Variants in RPRD1A observed in about 807,000 individuals in gnomAD.
The protein encoded by RPRD1A is regulation of nuclear pre-mRNA domain containing 1A.
RPRD1A carries 9 observed loss-of-function variants against 37.8 expected under a neutral mutation model. That is an observed-to-expected ratio of 0.24 (90% CI 0.14 to 0.42). RPRD1A has a LOEUF of 0.42. RPRD1A is among the 10% of genes least tolerant of loss of function. The pLI is 1.00. For synonymous variants in RPRD1A, 138 were observed against 139.7 expected, an observed-to-expected ratio of 0.99 and a Z score of 0.08; for missense variants, 255 against 371.0, an observed-to-expected ratio of 0.69 and a Z score of 2.57.
intron 2 of RPRD1A, among the ~76,000 whole-genome samples, chr18:36,032,638 T>C (rs1023764758): frequency 6.6e-6 from 1 of 152,198 alleles, no homozygotes; most frequent in African/African-American, 2.4e-5. Context: ...TTATGGTAAC[T>C]AAAAGGGAAA....
At chr18:36,027,139 A>T in intron 5 of RPRD1A, 45 bp downstream of exon 5, 2 of 1,612,760 alleles carry the variant, frequency 1.2e-6, no homozygotes, top group Non-Finnish European at 1.7e-6. Context: ...CTGTTCTCTC[A>T]TCCCAACTCC....
intron 6 of RPRD1A, among the ~76,000 whole-genome samples, chr18:36,008,577 G>GTATATATA (rs141531156): frequency 8.4e-5 from 4 of 47,802 alleles, no homozygotes; most frequent in Admixed American, 2.8e-4. Flanking sequence ...CCTTGTGTGT[G>GTATATATA]TATATATATA....
rs539880344 is a variant in RPRD1A, at chr18:36,021,736, T to C, written c.789+5164A>G. On this transcript the variant is annotated intron_variant, in intron 6 of 6. Coordinates refer to ENST00000399022, the MANE Select transcript of RPRD1A (RefSeq NM_018170.5). ...ACTCCAGGCCTGGTGTGGTGGCTCATGCCTGTAATCTTAGCACTTTGGGAG... is the reference window on the plus strand; with the variant it reads ...ACTCCAGGCCTGGTGTGGTGGCTCACGCCTGTAATCTTAGCACTTTGGGAG... Among the ~76,000 whole-genome samples, 190 of 152,282 alleles carry C rather than the reference T, an allele frequency of 1.2e-3. 1 individual carries two copies. Among genetic ancestry groups the C allele is most frequent in the Non-Finnish European group, 1.7e-3 (115 of 68,014 alleles).
At chr18:36,019,273 A>G (rs1002569986) in intron 6 of RPRD1A, among the ~76,000 whole-genome samples, 2 of 151,704 alleles carry the variant, frequency 1.3e-5, no homozygotes, top group Non-Finnish European at 2.9e-5. Context: ...ACGCCTGGCT[A>G]ATTTTTTATA....
chr18:36,033,499 C>G (rs2144304974), intron 2 of RPRD1A, among the ~76,000 whole-genome samples: 1 of 152,110 alleles, frequency 6.6e-6, no homozygotes, highest in East Asian at 1.9e-4. Flanking sequence ...TCCAAAGGCC[C>G]ACCTTAGCAA....
intron 1 of RPRD1A, among the ~76,000 whole-genome samples, chr18:36,050,820 C>CAA (rs1913331172): frequency 6.6e-6 from 1 of 151,382 alleles, no homozygotes; most frequent in South Asian, 2.1e-4. Flanking sequence ...GTTGGGATTA[C>CAA]AGGTGTGAGC....
At chr18:36,044,239 G>GT (rs1340563458) in intron 1 of RPRD1A, among the ~76,000 whole-genome samples, 8 of 152,126 alleles carry the variant, frequency 5.3e-5, no homozygotes, top group Non-Finnish European at 1.2e-4. Context: ...ACACACTCAT[G>GT]TAACTTTTAC....
chr18:36,027,291 G>A lies in RPRD1A; in HGVS notation c.506C>T (p.Ala169Val), dbSNP rs776910476. 1 of 1,613,764 alleles carries A rather than the reference G, an allele frequency of 6.2e-7. No individual in the cohort carries two copies. The highest frequency in any genetic ancestry group is 1.1e-5 in the South Asian group (1 of 91,058). ...EPPQTLDLVR[A>V]LQDLENAASG... The stretch of plus-strand genomic sequence containing the variant: ...GGCTGCATTTTCCAGATCTTGTAAT[G>A]CTCTAACGAGATCTAGAGTCTAAAA... Residue 169 changes from alanine (A) to valine (V), a missense_variant, in exon 5 of 7, where the codon GCA (alanine) becomes GTA (valine). By Grantham distance (64) the Ala-to-Val change is moderately conservative. Transcript: ENST00000399022.
chr18:35,998,989 C>T lies in RPRD1A; in HGVS notation c.790-5689G>A, dbSNP rs74519534. On this transcript the variant is annotated intron_variant, in intron 6 of 6. Coordinates refer to ENST00000399022, the MANE Select transcript of RPRD1A (RefSeq NM_018170.5). ...TAATACTAAGTATATATTGAGGATC[C>T]AAATTTTATATATTTTTCAAGTCCT... Among the ~76,000 whole-genome samples the T allele has an allele frequency of 7.0e-4, 106 of 152,184 alleles. 1 individual carries two copies. Among genetic ancestry groups the T allele is most frequent in the African/African-American group, 2.5e-3 (103 of 41,532 alleles).
At chr18:36,037,990 A>T (rs1238833439) in intron 1 of RPRD1A, among the ~76,000 whole-genome samples, 3 of 152,230 alleles carry the variant, frequency 2.0e-5, no homozygotes, top group Non-Finnish European at 2.9e-5. Flanking sequence ...AGGCATTCAC[A>T]AAGATACGGT....
intron 1 of RPRD1A, among the ~76,000 whole-genome samples, chr18:36,042,151 C>G (rs1285865391): frequency 6.6e-6 from 1 of 152,208 alleles, no homozygotes; most frequent in Non-Finnish European, 1.5e-5. Context: ...TTCCCCAACT[C>G]CTACCATATT....
rs761125782 is a variant in RPRD1A, at chr18:35,990,664, CTT to C, written c.*2485_*2486del. The C allele has an allele frequency of 3.9e-5, 6 of 152,318 alleles. No individual in the cohort carries two copies. The highest frequency in any genetic ancestry group is 7.3e-5 in the Non-Finnish European group (5 of 68,030). 9.4% of individuals were successfully genotyped at this position (152,318 alleles called of 1,614,324 possible). A position where few individuals can be genotyped will look rare whatever the true frequency, so the allele number is the denominator to read the frequency against. Reference sequence around the variant, plus strand: ...CAGCCCTACGGCACCATGCTTTTCTCTTGAGGGGTCAGACCAAACTGCACTCA... The same window carrying C: ...CAGCCCTACGGCACCATGCTTTTCTCGAGGGGTCAGACCAAACTGCACTCA... On this transcript the variant is annotated 3_prime_UTR_variant, in exon 7 of 7. Transcript: ENST00000399022.
intron 6 of RPRD1A, among the ~76,000 whole-genome samples, chr18:35,998,179 T>C (rs1246784869): frequency 6.6e-6 from 1 of 152,080 alleles, no homozygotes; most frequent in Non-Finnish European, 1.5e-5. Context: ...GCCAACATGG[T>C]GAAACCCTGT....
At chr18:35,999,475 T>C (rs918816245) in intron 6 of RPRD1A, among the ~76,000 whole-genome samples, 3 of 152,192 alleles carry the variant, frequency 2.0e-5, no homozygotes, top group Admixed American at 1.3e-4. Flanking sequence ...AGAGAATAAA[T>C]TTCCTGAAAT....
chr18:36,061,531 G>A (rs1056448655), intron 1 of RPRD1A, among the ~76,000 whole-genome samples: 1 of 152,170 alleles, frequency 6.6e-6, no homozygotes, highest in East Asian at 1.9e-4. Context: ...GTAGAAAAGA[G>A]CCCAAATGTT....
intron 6 of RPRD1A, among the ~76,000 whole-genome samples, chr18:36,024,227 A>T (rs1598623952): frequency 6.6e-6 from 1 of 151,660 alleles, no homozygotes; most frequent in Non-Finnish European, 1.5e-5. Flanking sequence ...GCTCACTGCA[A>T]CCTCCACCTC....
chr18:36,055,840 C>T (rs1913728992), intron 1 of RPRD1A, among the ~76,000 whole-genome samples: 1 of 152,182 alleles, frequency 6.6e-6, no homozygotes, highest in African/African-American at 2.4e-5. Context: ...AACAGTGCAA[C>T]ATGAGTGGAC....
chr18:36,050,521 T>C (rs770651832), intron 1 of RPRD1A, among the ~76,000 whole-genome samples: 13 of 151,586 alleles, frequency 8.6e-5, no homozygotes, highest in Non-Finnish European at 1.6e-4. Flanking sequence ...AGCCAGAATA[T>C]ACATAAAAAA....
chr18:36,023,193 T>C (rs913574770), intron 6 of RPRD1A, among the ~76,000 whole-genome samples: 1 of 152,230 alleles, frequency 6.6e-6, no homozygotes, highest in African/African-American at 2.4e-5. Flanking sequence ...CTGAAAACTT[T>C]CAGAAAATGA....
Sources: gnomAD v4.1 joint callset for allele counts (sites outside exome capture counted in the v4.1 genomes callset) on GRCh38, gnomAD v4.1.1 for gene constraint, MANE v1.5 for transcripts, NCBI Gene and HGNC (gene_info 2026-07-23, HGNC 2026-07-21) for gene names.